The following PTPRZ1 variants were observed in gnomAD, a reference collection of about 807,000 sequenced individuals.
PTPRZ1 encodes the protein receptor-type tyrosine-protein phosphatase zeta.
A neutral mutation model predicts 214.1 loss-of-function variants in PTPRZ1; 82 were observed. The observed-to-expected ratio is 0.38, with a 90% CI of 0.32 to 0.46. The LOEUF (loss-of-function observed/expected upper bound fraction) is 0.46. Ranked by LOEUF, PTPRZ1 falls within the 20% of genes least tolerant of loss-of-function variation. The pLI is 1.00. For missense variants in PTPRZ1, 2,603 were observed against 2,748.7 expected (o/e 0.95, Z 1.19); for synonymous variants, 945 against 987.9 (o/e 0.96, Z 0.81).
intron 2 of PTPRZ1, among the ~76,000 whole-genome samples, chr7:121,936,787 G>T (rs555734519): frequency 6.6e-6 from 1 of 152,216 alleles, no homozygotes; most frequent in Non-Finnish European, 1.5e-5. Flanking sequence ...GGCAAGAGAC[G>T]TGGGGGCTTT....
intron 1 of PTPRZ1, among the ~76,000 whole-genome samples, chr7:121,896,883 TTGGGGTGAGATATTTC>T (rs1794801554): frequency 1.3e-5 from 2 of 152,148 alleles, no homozygotes; most frequent in Non-Finnish European, 2.9e-5. Context: ...TTTTGAGGGC[TTGGGGTGAGATATTTC>T]TGGGGTGAGA....
In PTPRZ1 at chr7:122,027,663, T is replaced by G. The variant is rs12670616; in HGVS notation, c.4989-889T>G. Among the ~76,000 whole-genome samples, 294 of 152,300 alleles carry G rather than the reference T, an allele frequency of 1.9e-3. 6 individuals are homozygous for G. In the East Asian group the frequency reaches 0.034, roughly 18 times the overall value. On this transcript the variant is annotated intron_variant, in intron 13 of 29. Coordinates refer to ENST00000393386, the MANE Select transcript of PTPRZ1 (RefSeq NM_002851.3). ...CAAAGAGTGTCATTAGCAGTTTTAA[T>G]TATTCAATTTTTAAAATTAAAGATG...
chr7:122,027,392 A>G, intron 13 of PTPRZ1, among the ~76,000 whole-genome samples: 1 of 152,212 alleles, frequency 6.6e-6, no homozygotes, highest in East Asian at 1.9e-4. Context: ...ACTGAATGTA[A>G]TTCTAATTGC....
At chr7:121,900,767 TAGGCACTGTAAA>T (rs1295125827) in intron 1 of PTPRZ1, among the ~76,000 whole-genome samples, 2 of 152,166 alleles carry the variant, frequency 1.3e-5, no homozygotes, top group Non-Finnish European at 2.9e-5. Flanking sequence ...ATTCTTTTAA[TAGGCACTGTAAA>T]AGGCACTGTG....
intron 1 of PTPRZ1, among the ~76,000 whole-genome samples, chr7:121,881,386 T>C (rs1334283602): frequency 1.3e-5 from 2 of 152,208 alleles, no homozygotes; most frequent in Non-Finnish European, 2.9e-5. Context: ...GACTTTTAAA[T>C]CATACTGATG....
intron 1 of PTPRZ1, among the ~76,000 whole-genome samples, chr7:121,894,408 C>CT (rs577180884): frequency 9.9e-5 from 15 of 151,848 alleles, no homozygotes; most frequent in African/African-American, 3.6e-4. Context: ...TTAAATTGTG[C>CT]TTTTTTTTAT....
intron 13 of PTPRZ1, among the ~76,000 whole-genome samples, chr7:122,019,583 GT>G (rs1798955340): frequency 6.6e-6 from 1 of 151,844 alleles, no homozygotes; most frequent in Non-Finnish European, 1.5e-5. Context: ...CTTCTCGTTA[GT>G]TGTTATAATT....
intron 9 of PTPRZ1, among the ~76,000 whole-genome samples, 198 bp from the exon 10 acceptor site, chr7:121,997,682 A>G (rs1798187654): frequency 6.6e-6 from 1 of 151,534 alleles, no homozygotes; most frequent in Admixed American, 6.6e-5. Context: ...AAAAAAAAAA[A>G]GCCTAGCTTT....
chr7:121,930,523 T>C (rs1173053846), intron 2 of PTPRZ1, among the ~76,000 whole-genome samples: 1 of 152,116 alleles, frequency 6.6e-6, no homozygotes, highest in Non-Finnish European at 1.5e-5. Context: ...TATTAACAGA[T>C]ATGTTCAAAT....
At chr7:121,973,925 C>T (rs929033248) in intron 4 of PTPRZ1, among the ~76,000 whole-genome samples, 10 of 119,782 alleles carry the variant, frequency 8.3e-5, no homozygotes, top group African/African-American at 2.3e-4. Context: ...TGGAGTGAGA[C>T]GCTGTCTCAA....
intron 1 of PTPRZ1, among the ~76,000 whole-genome samples, chr7:121,907,683 A>G (rs1296030478): frequency 6.6e-6 from 1 of 152,032 alleles, no homozygotes; most frequent in Non-Finnish European, 1.5e-5. Flanking sequence ...GAAATTATGT[A>G]AATTAATATA....
Position 122,011,416 on chromosome 7 carries a change from T to G in PTPRZ1, c.2370T>G (p.Ser790Arg). Residue 790 changes from serine to arginine, a missense_variant, in exon 12 of 30, where the codon AGT becomes AGG. By Grantham distance (110) the Ser-to-Arg change is moderately radical. Coordinates refer to ENST00000393386, the MANE Select transcript of PTPRZ1 (RefSeq NM_002851.3). ...ILNTTPAASSSDSALHATPVF... is the reference protein window; with the variant it reads ...ILNTTPAASSRDSALHATPVF... ...ACACTACCCCTGCTGCTTCAAGTAG[T>G]GATTCGGCCTTGCATGCTACGCCTG... The G allele has an allele frequency of 1.2e-6, 2 of 1,614,188 alleles. No homozygotes were observed. Among genetic ancestry groups the G allele is most frequent in the Non-Finnish European group, 1.7e-6 (2 of 1,180,004 alleles).
At chr7:122,055,252 A>T (rs78441369) in intron 27 of PTPRZ1, among the ~76,000 whole-genome samples, 165 bp downstream of exon 27, 517 of 152,110 alleles carry the variant, frequency 3.4e-3, no homozygotes, top group African/African-American at 0.011. Flanking sequence ...TTTCAAAATG[A>T]TATAGAATCA....
chr7:121,925,488 A>T (rs1262573650), intron 1 of PTPRZ1, among the ~76,000 whole-genome samples: 1 of 152,258 alleles, frequency 6.6e-6, no homozygotes, highest in African/African-American at 2.4e-5. Flanking sequence ...TGAATGGATG[A>T]ATAAAATATG....
At chr7:121,906,044 G>A (rs1795106837) in intron 1 of PTPRZ1, among the ~76,000 whole-genome samples, 1 of 152,132 alleles carries the variant, frequency 6.6e-6, no homozygotes, top group South Asian at 2.1e-4. Flanking sequence ...CTGTGTATAT[G>A]GTAATACTCT....
chr7:121,937,677 C>G (rs1796124976), intron 2 of PTPRZ1, among the ~76,000 whole-genome samples: 1 of 152,236 alleles, frequency 6.6e-6, no homozygotes, highest in South Asian at 2.1e-4. Context: ...GAAGCAGCAA[C>G]CTTCAACAAA....
At chr7:122,050,461 AGAGG>A (rs1792142974) in intron 23 of PTPRZ1, among the ~76,000 whole-genome samples, 4 of 114,334 alleles carry the variant, frequency 3.5e-5, no homozygotes, top group Non-Finnish European at 5.4e-5. Flanking sequence ...AGGGAAAAGG[AGAGG>A]AGGGGAGGGG....
intron 23 of PTPRZ1, among the ~76,000 whole-genome samples, chr7:122,045,296 G>A (rs1284079361): frequency 6.6e-6 from 1 of 152,012 alleles, no homozygotes; most frequent in African/African-American, 2.4e-5. Context: ...TGGAGAAATA[G>A]GGCCAAATTT....
chr7:121,969,721 A>G (rs1797171177), intron 3 of PTPRZ1, among the ~76,000 whole-genome samples: 1 of 151,928 alleles, frequency 6.6e-6, no homozygotes, highest in Admixed American at 6.6e-5. Flanking sequence ...TCTTGACATT[A>G]TTATTTTCAG....
Sources: gnomAD v4.1 joint callset for allele counts (sites outside exome capture counted in the v4.1 genomes callset) on GRCh38, gnomAD v4.1.1 for gene constraint, MANE v1.5 for transcripts, NCBI Gene and HGNC (gene_info 2026-07-23, HGNC 2026-07-21) for gene names.